The following TNFSF4 variants were observed in gnomAD, a reference collection of about 807,000 sequenced individuals.
The protein encoded by TNFSF4 is tumor necrosis factor ligand superfamily member 4.
A neutral mutation model predicts 7.3 loss-of-function variants in TNFSF4; 4 were observed. The ratio of observed to expected loss-of-function variants is 0.55; its 90% CI spans 0.27 to 1.25. The LOEUF is 1.25. Among genes scored for constraint, TNFSF4 ranks in the 50% most tolerant of loss-of-function variants. The pLI is 0.12. For synonymous variants in TNFSF4, 76 were observed against 83.7 expected (o/e 0.91, Z 0.50); for missense variants, 181 against 208.8 (o/e 0.87, Z 0.82).
chr1:173,446,979 C>G, the TNFSF4 span, among the ~76,000 whole-genome samples: 5 of 152,272 alleles, frequency 3.3e-5, 1 homozygote, highest in African/African-American at 1.2e-4. Context: ...TACATCTATC[C>G]TATTAGTTCT....
chr1:173,285,765 G>A, the TNFSF4 span, among the ~76,000 whole-genome samples: 1 of 152,094 alleles, frequency 6.6e-6, no homozygotes, highest in South Asian at 2.1e-4. Flanking sequence ...ATTTTTAGAC[G>A]TGATGCTATT....
the TNFSF4 span, among the ~76,000 whole-genome samples, chr1:173,400,595 C>T: frequency 4.6e-5 from 7 of 152,162 alleles, no homozygotes; most frequent in Admixed American, 2.6e-4. Context: ...CTCTTCATGC[C>T]TCTGAATCAA....
At chr1:173,288,089 T>C in the TNFSF4 span, among the ~76,000 whole-genome samples, 1 of 152,232 alleles carries the variant, frequency 6.6e-6, no homozygotes, top group Non-Finnish European at 1.5e-5. Context: ...CAAAAATTTA[T>C]AGAACTATAA....
the TNFSF4 span, among the ~76,000 whole-genome samples, chr1:173,285,134 G>C: frequency 6.6e-6 from 1 of 152,210 alleles, no homozygotes; most frequent in Non-Finnish European, 1.5e-5. Flanking sequence ...CAGGAGTTTG[G>C]AAGAACTTAA....
chr1:173,370,908 A>T, the TNFSF4 span, among the ~76,000 whole-genome samples: 2 of 152,198 alleles, frequency 1.3e-5, no homozygotes, highest in Non-Finnish European at 2.9e-5. Flanking sequence ...GTTTACAAGG[A>T]CACTTTAAAA....
chr1:173,238,356 C>G, the TNFSF4 span, among the ~76,000 whole-genome samples: 6 of 152,090 alleles, frequency 3.9e-5, no homozygotes, highest in Admixed American at 3.9e-4. Context: ...GATTTCACAA[C>G]AAAAATGCCA....
chr1:173,263,037 A>G, the TNFSF4 span, among the ~76,000 whole-genome samples: 3 of 152,232 alleles, frequency 2.0e-5, no homozygotes, highest in African/African-American at 7.2e-5. Flanking sequence ...TCCCACTCAC[A>G]ATTGCTGCAA....
chr1:173,319,561 G>A, the TNFSF4 span, among the ~76,000 whole-genome samples: 2 of 152,208 alleles, frequency 1.3e-5, no homozygotes, highest in Non-Finnish European at 1.5e-5. Flanking sequence ...CTCCTGACTG[G>A]GAGAGAACAC....
chr1:173,282,632 T>C, the TNFSF4 span, among the ~76,000 whole-genome samples: 1 of 152,110 alleles, frequency 6.6e-6, no homozygotes, highest in South Asian at 2.1e-4. Flanking sequence ...CTAATTTTTG[T>C]ATTTTTAATA....
At chr1:173,411,902 G>A in the TNFSF4 span, among the ~76,000 whole-genome samples, 29 of 152,042 alleles carry the variant, frequency 1.9e-4, no homozygotes, top group African/African-American at 6.8e-4. Context: ...GGCAGACCAC[G>A]AGGTCAGGAG....
the TNFSF4 span, among the ~76,000 whole-genome samples, chr1:173,423,346 T>C: frequency 1.3e-5 from 2 of 152,212 alleles, no homozygotes; most frequent in Non-Finnish European, 2.9e-5. Context: ...ATTCCCCTTC[T>C]TTTCCACCTC....
chr1:173,377,719 C>G, the TNFSF4 span, among the ~76,000 whole-genome samples: 1 of 152,228 alleles, frequency 6.6e-6, no homozygotes, highest in Non-Finnish European at 1.5e-5. Context: ...GGCTCACTAA[C>G]CAGAAAGACA....
At chr1:173,304,281 C>T in the TNFSF4 span, among the ~76,000 whole-genome samples, 17 of 151,994 alleles carry the variant, frequency 1.1e-4, no homozygotes, top group African/African-American at 3.6e-4. Context: ...AGAGAAGTGA[C>T]CACAATCTCA....
chr1:173,254,724 G>A, the TNFSF4 span, among the ~76,000 whole-genome samples: 69,554 of 152,010 alleles, frequency 0.46, 16,208 homozygotes, highest in Admixed American at 0.52. Flanking sequence ...TAGGCTTATT[G>A]TTAATAATTG....
chr1:173,305,562 A>C, the TNFSF4 span, among the ~76,000 whole-genome samples: 1 of 151,882 alleles, frequency 6.6e-6, no homozygotes, highest in Non-Finnish European at 1.5e-5. Flanking sequence ...TGTAGAGAAG[A>C]AGCAGGAATC....
chr1:173,393,412 T>A, the TNFSF4 span, among the ~76,000 whole-genome samples: 1 of 152,206 alleles, frequency 6.6e-6, no homozygotes. Context: ...CACAACTGTC[T>A]CCTTGCCTCT....
the TNFSF4 span, among the ~76,000 whole-genome samples, chr1:173,218,122 G>A: frequency 6.6e-6 from 1 of 152,140 alleles, no homozygotes; most frequent in Non-Finnish European, 1.5e-5. Flanking sequence ...CACATGGTAG[G>A]ATGATGCCGT....
At chr1:173,361,548 G>A in the TNFSF4 span, among the ~76,000 whole-genome samples, 4 of 152,034 alleles carry the variant, frequency 2.6e-5, no homozygotes, top group Non-Finnish European at 4.4e-5. Context: ...GCAGTGAGCC[G>A]AGATAGCACC....
At chr1:173,375,684 A>G in the TNFSF4 span, among the ~76,000 whole-genome samples, 23 of 152,202 alleles carry the variant, frequency 1.5e-4, no homozygotes, top group East Asian at 2.3e-3. Flanking sequence ...AAAGTAGCCA[A>G]TCGCAGGGAG....
Sources: gnomAD v4.1 joint callset for allele counts (sites outside exome capture counted in the v4.1 genomes callset) on GRCh38, gnomAD v4.1.1 for gene constraint, MANE v1.5 for transcripts, NCBI Gene and HGNC (gene_info 2026-07-23, HGNC 2026-07-21) for gene names.